SLC41A3: variants seen among roughly 807,000 people sequenced by gnomAD.
SLC41A3 encodes the protein solute carrier family 41 member 3.
SLC41A3 carries 44 observed loss-of-function variants against 45.4 expected under a neutral mutation model. The ratio of observed to expected loss-of-function variants is 0.97; its 90% CI spans 0.76 to 1.25. The LOEUF is 1.25. Ranked by LOEUF, SLC41A3 falls within the 50% of genes most tolerant of loss-of-function variation. The pLI is 0.00. For missense variants in SLC41A3, 550 were observed against 600.6 expected (o/e 0.92, Z 0.88); for synonymous variants, 256 against 252.4 (o/e 1.01, Z -0.13).
At chr3:126,029,377 C>T (rs1172101217) in intron 4 of SLC41A3, among the ~76,000 whole-genome samples, 1 of 149,400 alleles carries the variant, frequency 6.7e-6, no homozygotes, top group African/African-American at 2.5e-5. Flanking sequence ...CCCTCCCCCA[C>T]CACTCTCTTG....
At chr3:126,048,525 G>A (rs1450563533) in intron 3 of SLC41A3, among the ~76,000 whole-genome samples, 1 of 152,134 alleles carries the variant, frequency 6.6e-6, no homozygotes, top group East Asian at 1.9e-4. Flanking sequence ...TTTCCAAGAA[G>A]GCAAGCATAT....
At chr3:126,029,373 C>CCG (rs1553728714) in intron 4 of SLC41A3, among the ~76,000 whole-genome samples, 3 of 151,734 alleles carry the variant, frequency 2.0e-5, no homozygotes, top group Non-Finnish European at 4.4e-5. Flanking sequence ...CACTCCCTCC[C>CCG]CCACCACTCT....
rs776849878 is a variant in SLC41A3, at chr3:126,022,738, C to G, written c.745+48G>C. ...GCCTCAGTGGTGACCTGCTCCAGGG[C>G]CCCCCCTCCACGGAGCCTTTGTGTC... On this transcript the variant is annotated intron_variant, in intron 6 of 10. Coordinates refer to ENST00000360370, the MANE Select transcript of SLC41A3 (RefSeq NM_017836.4). 9.4e-6 allele frequency: 15 copies of G among 1,603,820 alleles called. No homozygotes were observed. In the Admixed American group the frequency reaches 1.7e-4, roughly 18 times the overall value.
intron 6 of SLC41A3, among the ~76,000 whole-genome samples, chr3:126,018,636 T>C (rs950293396): frequency 1.3e-5 from 2 of 152,202 alleles, no homozygotes; most frequent in Non-Finnish European, 2.9e-5. Context: ...TGGGGAGTGA[T>C]AAACTGCAGC....
intron 1 of SLC41A3, among the ~76,000 whole-genome samples, chr3:126,080,196 A>C (rs1945081125): frequency 6.6e-6 from 1 of 152,216 alleles, no homozygotes; most frequent in African/African-American, 2.4e-5. Context: ...CAGGCAACCA[A>C]AGCAAAAATA....
At chr3:126,021,031 A>G (rs1940819859) in intron 6 of SLC41A3, among the ~76,000 whole-genome samples, 1 of 152,008 alleles carries the variant, frequency 6.6e-6, no homozygotes, top group Non-Finnish European at 1.5e-5. Context: ...AGTAGCTGGG[A>G]CTACAGGCGC....
At chr3:126,008,983 C>T in intron 9 of SLC41A3, 103 bp from the exon 10 acceptor site, 1 of 1,455,576 alleles carries the variant, frequency 6.9e-7, no homozygotes, top group Admixed American at 1.8e-5. Flanking sequence ...CCATTTATTC[C>T]CAAGTGTTCA....
intron 1 of SLC41A3, chr3:126,095,348 G>A: frequency 1.8e-6 from 1 of 557,784 alleles, no homozygotes; most frequent in Non-Finnish European, 3.1e-6. Flanking sequence ...AGCAACACCT[G>A]TTGAACACAA....
At chr3:126,078,442 G>A (rs1182022964) in intron 1 of SLC41A3, among the ~76,000 whole-genome samples, 1 of 152,114 alleles carries the variant, frequency 6.6e-6, no homozygotes, top group Non-Finnish European at 1.5e-5. Flanking sequence ...GTACCACACA[G>A]AGCTGAGCTA....
At chr3:126,046,728 G>A (rs1328786067) in intron 3 of SLC41A3, among the ~76,000 whole-genome samples, 2 of 148,862 alleles carry the variant, frequency 1.3e-5, no homozygotes, top group East Asian at 2.0e-4. Context: ...TTGGGAGGTC[G>A]AGGTAGGTGG....
At chr3:126,008,005 T>G (rs769036184) in intron 10 of SLC41A3, among the ~76,000 whole-genome samples, 8 of 152,352 alleles carry the variant, frequency 5.3e-5, no homozygotes, top group African/African-American at 1.4e-4. Flanking sequence ...CTGATCAATG[T>G]CTACGCATGC....
intron 2 of SLC41A3, among the ~76,000 whole-genome samples, chr3:126,061,740 G>A (rs60852357): frequency 0.31 from 47,251 of 151,932 alleles, 7,608 homozygotes; most frequent in Middle Eastern, 0.42. Context: ...TGGGCCCACC[G>A]TGACTGAGGA....
At chr3:126,084,400 G>A (rs1274319019), upstream of SLC41A3, 1 of 152,210 alleles carries the variant, frequency 6.6e-6, no homozygotes, top group Non-Finnish European at 1.5e-5. Context: ...AGCGCTACGG[G>A]AGAGGCGCCT....
At chr3:126,073,075 T>C (rs1418366877) in intron 1 of SLC41A3, 2 of 152,054 alleles carry the variant, frequency 1.3e-5, no homozygotes, top group Non-Finnish European at 1.5e-5. Flanking sequence ...TACACATGCA[T>C]ATAAAGAAGG....
intron 2 of SLC41A3, among the ~76,000 whole-genome samples, chr3:126,053,055 C>G (rs79042523): frequency 6.6e-6 from 1 of 152,188 alleles, no homozygotes; most frequent in Non-Finnish European, 1.5e-5. Flanking sequence ...CCTGTCTGGT[C>G]ACATCGGGTA....
At chr3:126,011,798 T>C (rs1326728382) in intron 9 of SLC41A3, among the ~76,000 whole-genome samples, 1 of 152,204 alleles carries the variant, frequency 6.6e-6, no homozygotes, top group Non-Finnish European at 1.5e-5. Context: ...AAAACAACTA[T>C]TGACACCGAA....
upstream of SLC41A3, among the ~76,000 whole-genome samples, chr3:126,088,228 G>T (rs989736113): frequency 6.6e-6 from 1 of 152,038 alleles, no homozygotes; most frequent in Non-Finnish European, 1.5e-5. Context: ...GTGTCATGTG[G>T]AAGTGATATT....
At chr3:126,049,643 T>C (rs1184576176) in intron 3 of SLC41A3, among the ~76,000 whole-genome samples, 1 of 152,250 alleles carries the variant, frequency 6.6e-6, no homozygotes, top group Non-Finnish European at 1.5e-5. Context: ...TGTGTGTAGC[T>C]GTATCATGTT....
At position 126,012,750 on chromosome 3, in the gene SLC41A3, C is replaced by A. The variant is rs149021531; in HGVS notation, c.971-1G>T. ...ATGGCCACCAGATTGCCACCAACAC[C>A]TACGAGGAGAAAAGGAATCTGTTTT... On this transcript the variant is annotated splice_acceptor_variant, in intron 8 of 10. Coordinates refer to ENST00000360370, the MANE Select transcript of SLC41A3 (RefSeq NM_017836.4). LOFTEE classifies it high-confidence loss of function. 1 of 1,614,122 alleles carries A rather than the reference C, an allele frequency of 6.2e-7. No individual in the cohort carries two copies. The highest frequency in any genetic ancestry group is 2.2e-5 in the East Asian group (1 of 44,876).
Sources: allele counts gnomAD v4.1 joint callset (sites outside exome capture counted in the v4.1 genomes callset), GRCh38; gene constraint gnomAD v4.1.1; transcripts MANE v1.5; gene names NCBI Gene and HGNC (gene_info 2026-07-23, HGNC 2026-07-21).